The following CBFA2T2 variants were observed in gnomAD, a reference collection of about 807,000 sequenced individuals.
The protein encoded by CBFA2T2 is protein CBFA2T2.
A neutral mutation model predicts 62.2 loss-of-function variants in CBFA2T2; 11 were observed. The ratio of observed to expected loss-of-function variants is 0.18; its 90% CI spans 0.11 to 0.29. The LOEUF (loss-of-function observed/expected upper bound fraction) is 0.29. Ranked by LOEUF, CBFA2T2 falls within the 10% of genes least tolerant of loss-of-function variation. CBFA2T2 has a pLI of 1.00. For synonymous variants in CBFA2T2, 295 were observed against 287.5 expected (o/e 1.03, Z -0.27); for missense variants, 592 against 774.1 (o/e 0.76, Z 2.79).
chr20:33,531,664 G>A (rs1007550009), intron 1 of CBFA2T2, among the ~76,000 whole-genome samples: 1 of 152,186 alleles, frequency 6.6e-6, no homozygotes, highest in Admixed American at 6.5e-5. Flanking sequence ...AAAGGAACTG[G>A]AAGAGTCTTA....
At chr20:33,522,501 G>A (rs1044318043) in intron 1 of CBFA2T2, among the ~76,000 whole-genome samples, 5 of 150,808 alleles carry the variant, frequency 3.3e-5, no homozygotes. Flanking sequence ...GCCAAGGTGG[G>A]AGGATTGTTT....
At chr20:33,574,555 G>T (rs1259531576) in intron 1 of CBFA2T2, among the ~76,000 whole-genome samples, 1 of 152,218 alleles carries the variant, frequency 6.6e-6, no homozygotes, top group African/African-American at 2.4e-5. Flanking sequence ...AACCCGGGAG[G>T]CAGAGGTTGC....
intron 8 of CBFA2T2, among the ~76,000 whole-genome samples, chr20:33,633,900 T>A (rs1164216795): frequency 6.6e-6 from 1 of 152,220 alleles, no homozygotes. Context: ...ATATTTTTAT[T>A]ATATTGTATG....
intron 1 of CBFA2T2, among the ~76,000 whole-genome samples, chr20:33,587,153 A>T (rs979010938): frequency 2.0e-5 from 3 of 152,030 alleles, no homozygotes; most frequent in Admixed American, 6.6e-5. Flanking sequence ...TATGTTGTCC[A>T]GGCTGTTCTC....
At chr20:33,623,864 T>G (rs1380254739) in intron 5 of CBFA2T2, 9 of 716,700 alleles carry the variant, frequency 1.3e-5, no homozygotes, top group Admixed American at 2.0e-5. Flanking sequence ...GGTAAGAAAC[T>G]CTACTCTAGA....
chr20:33,501,319 A>G (rs538980288), intron 1 of CBFA2T2, among the ~76,000 whole-genome samples: 58 of 152,238 alleles, frequency 3.8e-4, no homozygotes, highest in African/African-American at 1.2e-3. Context: ...TTTCTTTGTT[A>G]ATTTAGCCAT....
At chr20:33,520,903 C>T (rs982134683) in intron 1 of CBFA2T2, among the ~76,000 whole-genome samples, 11 of 151,300 alleles carry the variant, frequency 7.3e-5, no homozygotes, top group East Asian at 5.8e-4. Context: ...TTTTTACACA[C>T]GCACGCGCAC....
At chr20:33,617,602 A>G (rs1207717242) in intron 3 of CBFA2T2, among the ~76,000 whole-genome samples, 1 of 152,100 alleles carries the variant, frequency 6.6e-6, no homozygotes, top group African/African-American at 2.4e-5. Context: ...CATTTAATCT[A>G]TTTGTGTTTG....
intron 1 of CBFA2T2, among the ~76,000 whole-genome samples, chr20:33,558,136 C>CTTT (rs56771085): frequency 7.1e-6 from 1 of 141,816 alleles, no homozygotes. Context: ...CGCGCTCTCT[C>CTTT]TTTTTTTTTT....
At chr20:33,642,113 TTTTTG>T (rs1485013325) in intron 10 of CBFA2T2, among the ~76,000 whole-genome samples, 4 of 41,290 alleles carry the variant, frequency 9.7e-5, no homozygotes, top group Middle Eastern at 0.01. Context: ...GTCTTTTTTT[TTTTTG>T]TGTGTGTGTG....
chr20:33,631,353 ATCT>A (rs2016443510), intron 8 of CBFA2T2, among the ~76,000 whole-genome samples: 1 of 152,126 alleles, frequency 6.6e-6, no homozygotes, highest in African/African-American at 2.4e-5. Context: ...GACAAAGCTA[ATCT>A]TCTGGTCTCC....
intron 8 of CBFA2T2, among the ~76,000 whole-genome samples, chr20:33,635,330 A>G (rs1294836670): frequency 6.6e-6 from 1 of 152,146 alleles, no homozygotes; most frequent in Non-Finnish European, 1.5e-5. Context: ...ATATGCCTCA[A>G]TATGTGAAAG....
chr20:33,570,392 A>G lies in CBFA2T2; in HGVS notation c.35-36564A>G, dbSNP rs117926433. Among the ~76,000 whole-genome samples the G allele has an allele frequency of 9.2e-5, 14 of 152,372 alleles. No homozygotes were observed. The East Asian group carries it at 2.7e-3, about 29-fold the overall frequency. On this transcript the variant is annotated intron_variant, in intron 1 of 10. Coordinates refer to ENST00000342704, the MANE Select transcript of CBFA2T2 (RefSeq NM_001032999.3). Reference sequence around the variant, plus strand: ...CCTCTAGGTAGAGCAATGTGATTATATTTAGAATAGGTTAGGAGTTGTAGT... The same window carrying G: ...CCTCTAGGTAGAGCAATGTGATTATGTTTAGAATAGGTTAGGAGTTGTAGT...
intron 1 of CBFA2T2, among the ~76,000 whole-genome samples, chr20:33,508,188 G>A (rs1188674422): frequency 6.6e-6 from 1 of 152,076 alleles, no homozygotes; most frequent in African/African-American, 2.4e-5. Flanking sequence ...TCCGCCTCCC[G>A]GGTTTAAGTG....
intron 1 of CBFA2T2, among the ~76,000 whole-genome samples, chr20:33,504,507 A>C (rs1307043450): frequency 6.6e-6 from 1 of 151,004 alleles, no homozygotes; most frequent in African/African-American, 2.4e-5. Context: ...AGTTTAAGCA[A>C]ATTCTCCTGC....
intron 1 of CBFA2T2, among the ~76,000 whole-genome samples, chr20:33,577,343 A>G (rs1026464666): frequency 2.4e-4 from 37 of 152,284 alleles, no homozygotes; most frequent in African/African-American, 8.9e-4. Flanking sequence ...TGGAGCCAAC[A>G]TCTTTGAAAT....
chr20:33,531,364 A>C (rs919460902), intron 1 of CBFA2T2, among the ~76,000 whole-genome samples: 3 of 152,176 alleles, frequency 2.0e-5, no homozygotes, highest in Admixed American at 6.5e-5. Flanking sequence ...ACAAAATGGC[A>C]AATGCTGTCA....
At chr20:33,516,296 C>T (rs2011598741) in intron 1 of CBFA2T2, among the ~76,000 whole-genome samples, 1 of 151,386 alleles carries the variant, frequency 6.6e-6, no homozygotes, top group African/African-American at 2.4e-5. Flanking sequence ...ATAGTGAAAC[C>T]CCATCTCTAC....
At chr20:33,552,784 G>C (rs1207459151) in intron 1 of CBFA2T2, among the ~76,000 whole-genome samples, 1 of 152,128 alleles carries the variant, frequency 6.6e-6, no homozygotes, top group East Asian at 1.9e-4. Flanking sequence ...GTTTAATGCT[G>C]TCCATACATG....
Sources: allele counts gnomAD v4.1 joint callset (sites outside exome capture counted in the v4.1 genomes callset), GRCh38; gene constraint gnomAD v4.1.1; transcripts MANE v1.5; gene names NCBI Gene and HGNC (gene_info 2026-07-23, HGNC 2026-07-21).